The following ZFPL1 variants were observed in gnomAD, a reference collection of about 807,000 sequenced individuals.
ZFPL1 encodes the protein zinc finger protein-like 1.
ZFPL1 carries 28 observed loss-of-function variants against 32.0 expected under a neutral mutation model. The observed-to-expected ratio is 0.87, with a 90% confidence interval of 0.65 to 1.20. ZFPL1 has a LOEUF of 1.20. ZFPL1 is among the 50% of genes most tolerant of loss of function. ZFPL1 has a pLI of 0.00. For synonymous variants in ZFPL1, 165 were observed against 177.0 expected (o/e 0.93, Z 0.54); for missense variants, 386 against 424.8 (o/e 0.91, Z 0.80).
In ZFPL1 at chr11:65,086,523, C is replaced by G. The variant is rs376156128; in HGVS notation, c.323C>G (p.Thr108Ser). ...TGCAATGGCCCCATCTTCCCCCCAA[C>G]CAACCTGGCTGGCCCCGTGGCCTCC... ...PSCNGPIFPPTNLAGPVASAL... is the reference protein window; with the variant it reads ...PSCNGPIFPPSNLAGPVASAL... Residue 108 changes from threonine (T) to serine (S), a missense_variant, in exon 4 of 8, where the codon ACC (threonine) becomes AGC (serine). Physicochemically the swap from Thr to Ser is moderately conservative, Grantham distance 58 (BLOSUM62 1). Coordinates refer to ENST00000294258, the MANE Select transcript of ZFPL1 (RefSeq NM_006782.4). 3.3e-5 allele frequency: 53 copies of G among 1,614,048 alleles called. No homozygotes were observed. The highest frequency in any genetic ancestry group is 4.5e-5 in the Non-Finnish European group (53 of 1,180,058).
Position 65,084,719 on chromosome 11 carries a change from C to T in ZFPL1, c.21C>T (p.Pro7=). The T allele has an allele frequency of 6.2e-7, 1 of 1,614,092 alleles. No individual in the cohort carries two copies. The highest frequency in any genetic ancestry group is 8.5e-7 in the Non-Finnish European group (1 of 1,180,018). The part of the protein sequence containing the change: MGLCKC[P]KRKVTNLFCF... Reference sequence around the variant, plus strand: ...CGATCATGGGGCTTTGTAAGTGCCCCAAGAGAAAGGTGACCAACCTGTTCT... The same window carrying T: ...CGATCATGGGGCTTTGTAAGTGCCCTAAGAGAAAGGTGACCAACCTGTTCT... The change falls in exon 2 of 8, where the codon CCC becomes CCT. Residue 7 remains proline (P), a synonymous_variant. Coordinates refer to ENST00000294258, the MANE Select transcript of ZFPL1 (RefSeq NM_006782.4).
chr11:65,087,046 C>T lies in ZFPL1; in HGVS notation c.600C>T (p.His200=), dbSNP rs1947686817. 1.9e-6 allele frequency: 3 copies of T among 1,613,916 alleles called. No homozygotes were observed. The highest frequency in any genetic ancestry group is 1.7e-6 in the Non-Finnish European group (2 of 1,179,942). The change falls in exon 6 of 8, where the codon CAC becomes CAT. Residue 200 remains histidine, a synonymous_variant. Coordinates refer to ENST00000294258, the MANE Select transcript of ZFPL1 (RefSeq NM_006782.4). ...PGRPEQHTVI[H]MGNPEPLTHA... is the part of the protein sequence containing the mutation. The stretch of plus-strand genomic sequence containing the variant: ...GGCCCGAGCAGCACACAGTGATCCA[C>T]ATGGGCAATCCTGAGCCCTTGACTC...
In ZFPL1 at chr11:65,084,239, G is replaced by T. The variant is rs912691021; in HGVS notation, c.-148G>T. 4 of 579,580 alleles carry T rather than the reference G, an allele frequency of 6.9e-6. No individual in the cohort carries two copies. The highest frequency in any genetic ancestry group is 1.2e-5 in the Non-Finnish European group (4 of 327,458). The allele number at this position is 579,580 out of a possible 1,614,324, so 35.9% of individuals were successfully genotyped here. A position where few individuals can be genotyped will look rare whatever the true frequency, so the allele number is the denominator to read the frequency against. On this transcript the variant is annotated 5_prime_UTR_variant, in exon 1 of 8. The change creates a new upstream start codon in the 5' untranslated region. Transcript: ENST00000294258. ...CACCCGGAAGAGACGTGGCAGCGGA[G>T]GGATAATCGGGGCGGCCGGGGCTGA... is the stretch of plus-strand genomic sequence containing the variant.
chr11:65,086,362 C>T (rs567806286), intron 3 of ZFPL1, 53 bp from the exon 4 acceptor site: 1 of 1,607,930 alleles, frequency 6.2e-7, no homozygotes, highest in Non-Finnish European at 8.5e-7. Context: ...AGGCTAGGAG[C>T]CCTAAGTGTC....
At chr11:65,085,577 A>G (rs1947669471) in intron 3 of ZFPL1, 3 of 344,380 alleles carry the variant, frequency 8.7e-6, no homozygotes, top group Admixed American at 8.2e-5. Context: ...AGGATCCACC[A>G]CTGATTCCAA....
chr11:65,086,553 T>TGA lies in ZFPL1; in HGVS notation c.360_361dup (p.Lys121ArgfsTer17). On this transcript the variant is annotated frameshift_variant, in exon 4 of 8. Transcript: ENST00000294258. LOFTEE classifies it high-confidence loss of function. ...CTGGCTGGCCCCGTGGCCTCCGCAC[T>TGA]GAGAGAGAAGCTGGCCACAGTCAAC... 1 of 1,614,162 alleles carries TGA rather than the reference T, an allele frequency of 6.2e-7. No homozygotes were observed. The highest frequency in any genetic ancestry group is 8.5e-7 in the Non-Finnish European group (1 of 1,180,022).
In ZFPL1 at chr11:65,085,055, C is replaced by T. The variant is rs1448341880; in HGVS notation, c.103-60C>T. ...GGCTAGAGAAAAAGAGACAGTCGGA[C>T]CTTGGGGTGATAGGCCGAGCAGCCC... is the stretch of plus-strand genomic sequence containing the variant. On this transcript the variant is annotated intron_variant, in intron 2 of 7. Transcript: ENST00000294258. 2.7e-6 allele frequency: 4 copies of T among 1,507,684 alleles called. No homozygotes were observed. The African/African-American group carries it at 5.5e-5, about 21-fold the overall frequency. 93.4% of individuals were successfully genotyped at this position (1,507,684 alleles called of 1,614,324 possible). A position where few individuals can be genotyped will look rare whatever the true frequency, so the allele number is the denominator to read the frequency against.
In ZFPL1 at chr11:65,087,969, A is replaced by C; in HGVS notation, c.788A>C (p.Gln263Pro). The change falls in exon 8 of 8, where the codon CAG (glutamine) becomes CCG (proline). Residue 263 changes from glutamine to proline, a missense_variant. Physicochemically the swap from Gln to Pro is moderately conservative, Grantham distance 76. Transcript: ENST00000294258. ...GSRKRPLTLL[Q>P]RAGLLLLLGL... is the part of the protein sequence containing the mutation. Reference sequence around the variant, plus strand: ...CGGAAGCGGCCGCTGACCCTGCTCCAGCGGGCGGGGCTGCTGCTACTCTTG... The same window carrying C: ...CGGAAGCGGCCGCTGACCCTGCTCCCGCGGGCGGGGCTGCTGCTACTCTTG... The C allele has an allele frequency of 6.3e-7, 1 of 1,581,506 alleles. No homozygotes were observed. The highest frequency in any genetic ancestry group is 8.5e-7 in the Non-Finnish European group (1 of 1,172,402).
rs1947653422 is a variant in ZFPL1 at position 65,084,683 on chromosome 11, T to C, written c.-8-8T>C. ...CTGACTTCCTACCAACTCATGCCCC[T>C]TTCCCAGGATCGATCATGGGGCTTT... On this transcript the variant is annotated splice_polypyrimidine_tract_variant and splice_region_variant and intron_variant, in intron 1 of 7. Transcript: ENST00000294258. The C allele has an allele frequency of 1.2e-6, 2 of 1,613,528 alleles. No individual in the cohort carries two copies. Among genetic ancestry groups the C allele is most frequent in the African/African-American group, 1.3e-5 (1 of 74,896 alleles).
chr11:65,084,980 C>T (rs1405124336), intron 2 of ZFPL1, 135 bp from the exon 3 acceptor site: 2 of 1,033,152 alleles, frequency 1.9e-6, no homozygotes, highest in Middle Eastern at 2.7e-4. Flanking sequence ...ACAGTATGTG[C>T]TCAATAAATA....
chr11:65,088,144 G>A lies in ZFPL1; in HGVS notation c.*30G>A. Reference sequence around the variant, plus strand: ...CCTTGCTTGTGGCTAGGCCAGCCTAGGATGTGGGTTCTGTGGAGGAGAGGC... The same window carrying A: ...CCTTGCTTGTGGCTAGGCCAGCCTAAGATGTGGGTTCTGTGGAGGAGAGGC... On this transcript the variant is annotated 3_prime_UTR_variant, in exon 8 of 8. Transcript: ENST00000294258. 5 of 1,589,708 alleles carry A rather than the reference G, an allele frequency of 3.1e-6. No homozygotes were observed. The highest frequency in any genetic ancestry group is 4.3e-6 in the Non-Finnish European group (5 of 1,175,080).
chr11:65,085,442 T>G (rs1358141210), intron 3 of ZFPL1: 2 of 574,906 alleles, frequency 3.5e-6, no homozygotes, highest in Admixed American at 3.0e-5. Flanking sequence ...AAGCTCCTAG[T>G]TCCTCTTTCC....
Position 65,087,449 on chromosome 11 carries a change from C to G in ZFPL1, c.746+16C>G. ...GGCTGCTAAGGTACACAGGGTCAGG[C>G]AGGGCGGAATGCCAGGAAGGGGTGG... On this transcript the variant is annotated intron_variant, in intron 7 of 7. Transcript: ENST00000294258. 1 of 1,612,318 alleles carries G rather than the reference C, an allele frequency of 6.2e-7. No individual in the cohort carries two copies. Among genetic ancestry groups the G allele is most frequent in the Non-Finnish European group, 8.5e-7 (1 of 1,178,502 alleles).
Position 65,088,034 on chromosome 11 carries a change from C to T in ZFPL1, c.853C>T (p.Arg285Cys), listed in dbSNP as rs759578792. 6.8e-6 allele frequency: 11 copies of T among 1,610,016 alleles called. No homozygotes were observed. The highest frequency in any genetic ancestry group is 2.2e-5 in the East Asian group (1 of 44,812). The change falls in exon 8 of 8, where the codon CGC (arginine) becomes TGC (cysteine). Residue 285 changes from arginine to cysteine, a missense_variant. Physicochemically the swap from Arg to Cys is radical, Grantham distance 180. Coordinates refer to ENST00000294258, the MANE Select transcript of ZFPL1 (RefSeq NM_006782.4). ...GFLALLALMS[R>C]LGRAAADSDP... is the part of the protein sequence containing the mutation. ...CCTGGCCCTCCTTGCCCTCATGTCT[C>T]GCCTAGGCCGGGCCGCAGCTGACAG...
At chr11:65,086,268 T>C (rs970284477) in intron 3 of ZFPL1, 147 bp from the exon 4 acceptor site, 1 of 1,083,984 alleles carries the variant, frequency 9.2e-7, no homozygotes, top group East Asian at 2.4e-5. Context: ...AAGACTGACA[T>C]TTTAGGGAAC....
In ZFPL1 at chr11:65,087,440, A is replaced by G; in HGVS notation, c.746+7A>G. ...GGCTGGCCCGGCTGCTAAGGTACAC[A>G]GGGTCAGGCAGGGCGGAATGCCAGG... On this transcript the variant is annotated splice_region_variant and intron_variant, in intron 7 of 7. Coordinates refer to ENST00000294258, the MANE Select transcript of ZFPL1 (RefSeq NM_006782.4). 2 of 1,613,360 alleles carry G rather than the reference A, an allele frequency of 1.2e-6. No homozygotes were observed.
intron 6 of ZFPL1, 62 bp from the exon 7 acceptor site, chr11:65,087,254 T>C: frequency 1.9e-6 from 3 of 1,581,888 alleles, no homozygotes; most frequent in Middle Eastern, 1.7e-4. Context: ...GTGATCCCCC[T>C]AGCCCTCCCC....
In ZFPL1 at chr11:65,088,192, C is replaced by A. The variant is rs1443910254; in HGVS notation, c.*78C>A. On this transcript the variant is annotated 3_prime_UTR_variant, in exon 8 of 8. Transcript: ENST00000294258. Reference sequence around the variant, plus strand: ...GGCGGGGTAATGGGGAGGCTGAGGGCACCTCTTCACTGCCCCTCTCCCTCA... The same window carrying A: ...GGCGGGGTAATGGGGAGGCTGAGGGAACCTCTTCACTGCCCCTCTCCCTCA... 2 of 1,487,812 alleles carry A rather than the reference C, an allele frequency of 1.3e-6. No homozygotes were observed. Among genetic ancestry groups the A allele is most frequent in the East Asian group, 4.5e-5 (2 of 44,298 alleles). 92.2% of individuals were successfully genotyped at this position (1,487,812 alleles called of 1,614,324 possible). A position where few individuals can be genotyped will look rare whatever the true frequency, so the allele number is the denominator to read the frequency against.
At position 65,086,251 on chromosome 11, in the gene ZFPL1, A is replaced by T. The variant is rs138827895; in HGVS notation, c.215-164A>T. 4.7e-4 allele frequency: 449 copies of T among 953,170 alleles called. 2 individuals are homozygous for T. The African/African-American group carries it at 6.1e-3, about 13-fold the overall frequency. 59.0% of individuals were successfully genotyped at this position (953,170 alleles called of 1,614,324 possible). A position where few individuals can be genotyped will look rare whatever the true frequency, so the allele number is the denominator to read the frequency against. ...CACCTGCCTGGACTTAGATGGTGGT[A>T]GCCAAGAAGACTGACATTTTAGGGA... On this transcript the variant is annotated intron_variant, in intron 3 of 7. Transcript: ENST00000294258.
Sources: allele counts gnomAD v4.1 joint callset, GRCh38; gene constraint gnomAD v4.1.1; transcripts MANE v1.5; gene names NCBI Gene and HGNC (gene_info 2026-07-23, HGNC 2026-07-21).